Variants in PDHX observed in about 807,000 individuals in gnomAD.
PDHX encodes pyruvate dehydrogenase complex component X.
Under a neutral mutation model 55.3 loss-of-function variants are expected in PDHX, and 33 were observed. That is an observed-to-expected ratio of 0.60 (90% CI 0.45 to 0.80). The LOEUF (loss-of-function observed/expected upper bound fraction) is 0.80, where lower values mean the gene tolerates loss of function less well. Ranked by LOEUF, PDHX falls within the 30% of genes least tolerant of loss-of-function variation. PDHX has a pLI of 0.00. For missense variants in PDHX, 622 were observed against 619.9 expected, an observed-to-expected ratio of 1.00 and a Z score of -0.04; for synonymous variants, 226 against 219.4, an observed-to-expected ratio of 1.03 and a Z score of -0.27.
chr11:34,987,882 C>G (rs1768723909), intron 9 of PDHX, among the ~76,000 whole-genome samples: 1 of 151,976 alleles, frequency 6.6e-6, no homozygotes, highest in Non-Finnish European at 1.5e-5. Flanking sequence ...AGTGAGTCAC[C>G]TTTGGTAATA....
At chr11:34,926,485 A>G (rs1466252588) in intron 1 of PDHX, among the ~76,000 whole-genome samples, 2 of 152,146 alleles carry the variant, frequency 1.3e-5, no homozygotes, top group African/African-American at 4.8e-5. Context: ...TGATTTTTGC[A>G]TGCTTGGATT....
intron 8 of PDHX, among the ~76,000 whole-genome samples, chr11:34,980,844 A>G (rs1855493981): frequency 1.3e-5 from 2 of 152,300 alleles, no homozygotes; most frequent in East Asian, 1.9e-4. Context: ...ATGACATACC[A>G]GGAGGCCTGG....
At chr11:34,985,603 C>T (rs188366006) in intron 9 of PDHX, among the ~76,000 whole-genome samples, 12 of 152,292 alleles carry the variant, frequency 7.9e-5, no homozygotes, top group Admixed American at 7.2e-4. Flanking sequence ...TTGACAGCCT[C>T]AGTAATTTCC....
At chr11:34,955,848 A>G (rs188722494) in intron 3 of PDHX, among the ~76,000 whole-genome samples, 269 of 152,216 alleles carry the variant, frequency 1.8e-3, no homozygotes, top group African/African-American at 5.9e-3. Flanking sequence ...TGTTCTTTGT[A>G]CTTGGATATT....
rs1170311824 is a variant in PDHX at position 34,977,811 on chromosome 11, G to A, written c.965-313G>A. 8.4e-6 allele frequency: 4 copies of A among 474,262 alleles called. No individual in the cohort carries two copies. The East Asian group carries it at 2.5e-4, about 30-fold the overall frequency. The allele number at this position is 474,262 out of a possible 1,614,324, so 29.4% of individuals were successfully genotyped here. On this transcript the variant is annotated intron_variant, in intron 7 of 10. Coordinates refer to ENST00000227868, the MANE Select transcript of PDHX (RefSeq NM_003477.3). ...CATTTGTCTTTTTCGAGACATAGGA[G>A]TTAGTTCTTTTTTTCTGATTATGCT...
chr11:34,956,417 C>T (rs1854907274), intron 3 of PDHX, among the ~76,000 whole-genome samples: 1 of 152,044 alleles, frequency 6.6e-6, no homozygotes, highest in East Asian at 1.9e-4. Context: ...TAGTGGACGT[C>T]CTGCAGCCTA....
At chr11:34,968,193 A>C (rs979624861) in intron 6 of PDHX, among the ~76,000 whole-genome samples, 20 of 151,268 alleles carry the variant, frequency 1.3e-4, no homozygotes, top group African/African-American at 4.4e-4. Context: ...ATCACTTGAG[A>C]CTGGGAGGTT....
chr11:34,950,896 T>A (rs1257283133), intron 3 of PDHX, among the ~76,000 whole-genome samples: 13 of 150,236 alleles, frequency 8.7e-5, no homozygotes, highest in Non-Finnish European at 1.9e-4. Flanking sequence ...TACCCAGTAA[T>A]GGGATGGCTG....
chr11:34,940,053 GA>G (rs1248241441), intron 2 of PDHX, among the ~76,000 whole-genome samples: 5 of 151,854 alleles, frequency 3.3e-5, no homozygotes, highest in East Asian at 3.9e-4. Context: ...TAACAGAAAG[GA>G]AAAAAAATTC....
At chr11:34,968,565 T>C (rs779918170) in intron 6 of PDHX, among the ~76,000 whole-genome samples, 1 of 152,222 alleles carries the variant, frequency 6.6e-6, no homozygotes, top group African/African-American at 2.4e-5. Flanking sequence ...AGTGAAGTTA[T>C]AGGAATATTT....
At position 34,916,652 on chromosome 11, in the gene PDHX, C is replaced by G. The variant is rs3818401; in HGVS notation, c.-4C>G. On this transcript the variant is annotated 5_prime_UTR_variant, in exon 1 of 11. Coordinates refer to ENST00000227868, the MANE Select transcript of PDHX (RefSeq NM_003477.3). ...TGCGGGCAGCCAGTGAGAAGGCCGT[C>G]AAGATGGCGGCCTCCTGGAGGCTGG... is the stretch of plus-strand genomic sequence containing the variant. The G allele has an allele frequency of 0.13, 201,868 of 1,607,488 alleles. 15,906 individuals carry two copies. Among genetic ancestry groups the G allele is most frequent in the African/African-American group, 0.39 (29,486 of 74,916 alleles).
At chr11:34,986,339 T>G (rs1047686603) in intron 9 of PDHX, among the ~76,000 whole-genome samples, 2 of 151,502 alleles carry the variant, frequency 1.3e-5, no homozygotes, top group Non-Finnish European at 2.9e-5. Context: ...AAGGTAGCGT[T>G]TATTTGGTCA....
chr11:34,984,773 T>C lies in PDHX; in HGVS notation c.1182+45T>C, dbSNP rs1238699796. 3.2e-6 allele frequency: 5 copies of C among 1,566,226 alleles called. No homozygotes were observed. The South Asian group carries it at 4.4e-5, about 14-fold the overall frequency. ...GTGCTTTCAAAATGTTAGCATATAC[T>C]TTTGGATAATTACTTTCTGATAAAG... On this transcript the variant is annotated intron_variant, in intron 9 of 10. Transcript: ENST00000227868.
chr11:34,954,078 G>T (rs1854846719), intron 3 of PDHX, among the ~76,000 whole-genome samples: 1 of 152,176 alleles, frequency 6.6e-6, no homozygotes, highest in African/African-American at 2.4e-5. Context: ...GTTCAAAATT[G>T]TATAATGATT....
At chr11:34,957,685 G>A (rs1024892028) in intron 4 of PDHX, 102 bp downstream of exon 4, 7 of 942,680 alleles carry the variant, frequency 7.4e-6, no homozygotes, top group Non-Finnish European at 1.0e-5. Flanking sequence ...TGTACATCAC[G>A]TAGGAAGTTG....
intron 3 of PDHX, among the ~76,000 whole-genome samples, chr11:34,954,059 A>G (rs1422111350): frequency 6.6e-6 from 1 of 152,226 alleles, no homozygotes; most frequent in Admixed American, 6.5e-5. Context: ...ACATTGAAGA[A>G]TCAAAACAGT....
At chr11:34,925,907 A>G (rs1015270445) in intron 1 of PDHX, among the ~76,000 whole-genome samples, 2 of 152,206 alleles carry the variant, frequency 1.3e-5, no homozygotes, top group Non-Finnish European at 2.9e-5. Context: ...AAATATTCCA[A>G]AATCTGAAAA....
intron 5 of PDHX, among the ~76,000 whole-genome samples, chr11:34,966,006 C>G (rs1855123227): frequency 6.6e-6 from 1 of 151,978 alleles, no homozygotes; most frequent in South Asian, 2.1e-4. Flanking sequence ...TCTTACAAGA[C>G]AAAAATACCT....
chr11:34,920,914 C>T (rs1853863222), intron 1 of PDHX, among the ~76,000 whole-genome samples: 1 of 152,184 alleles, frequency 6.6e-6, no homozygotes, highest in East Asian at 1.9e-4. Context: ...TGCTAGTCCT[C>T]TTCTCTCACC....
Sources: allele counts gnomAD v4.1 joint callset (sites outside exome capture counted in the v4.1 genomes callset), GRCh38; gene constraint gnomAD v4.1.1; transcripts MANE v1.5; gene names NCBI Gene and HGNC (gene_info 2026-07-23, HGNC 2026-07-21).